Variants in TRPC4 observed in about 807,000 individuals in gnomAD.
TRPC4 encodes transient receptor potential cation channel subfamily C member 4, also known as short transient receptor potential channel 4.
Under a neutral mutation model 99.4 loss-of-function variants are expected in TRPC4, and 49 were observed. The ratio of observed to expected loss-of-function variants is 0.49; its 90% CI spans 0.39 to 0.63. The LOEUF (loss-of-function observed/expected upper bound fraction) is 0.63, where lower values mean the gene tolerates loss of function less well. Ranked by LOEUF, TRPC4 falls within the 20% of genes least tolerant of loss-of-function variation. The probability of loss-of-function intolerance (pLI) is 0.00; values close to 1 mark genes in which losing one functional copy is unlikely to be tolerated. For missense variants in TRPC4, 898 were observed against 1,152.9 expected (o/e 0.78, Z 3.20); for synonymous variants, 454 against 425.9 (o/e 1.07, Z -0.81).
intron 4 of TRPC4, among the ~76,000 whole-genome samples, chr13:37,684,785 A>C (rs562664628): frequency 9.1e-5 from 13 of 143,030 alleles, no homozygotes; most frequent in African/African-American, 3.2e-4. Flanking sequence ...GATTTTCCTG[A>C]GTACCCCTTA....
chr13:37,746,041 G>A lies in TRPC4; in HGVS notation c.793C>T (p.Leu265=), dbSNP rs1030783420. 1 of 1,613,800 alleles carries A rather than the reference G, an allele frequency of 6.2e-7. No homozygotes were observed. Among genetic ancestry groups the A allele is most frequent in the Non-Finnish European group, 8.5e-7 (1 of 1,179,824 alleles). The change falls in exon 3 of 11, where the codon CTG becomes TTG. Residue 265 remains leucine (L), a synonymous_variant. Coordinates refer to ENST00000379705, the MANE Select transcript of TRPC4 (RefSeq NM_016179.4). Reference sequence around the variant, plus strand: ...TCTCGGTAATTAAGAATGATTTCCAGTTCTCTGGAACTTCTCGTCTGATCC... The same window carrying A: ...TCTCGGTAATTAAGAATGATTTCCAATTCTCTGGAACTTCTCGTCTGATCC... The part of the protein sequence containing the change: ...LLDQTRSSRE[L]EIILNYRDDN...
intron 1 of TRPC4, among the ~76,000 whole-genome samples, chr13:37,806,033 T>C (rs1481485344): frequency 6.6e-6 from 1 of 151,834 alleles, no homozygotes; most frequent in Admixed American, 6.6e-5. Flanking sequence ...GAAAGAGGAG[T>C]AAGTTCATAG....
Position 37,750,650 on chromosome 13 carries a change from A to T in TRPC4, c.379-4195T>A, listed in dbSNP as rs939685937. Among the ~76,000 whole-genome samples, 140 of 152,190 alleles carry T rather than the reference A, an allele frequency of 9.2e-4. 1 individual carries two copies. Among genetic ancestry groups the T allele is most frequent in the African/African-American group, 2.9e-3 (120 of 41,542 alleles). ...TAATGTTTTTACTTTGGCAATTTTT[A>T]AAAAAATTATTATTGTACTTTAAGT... On this transcript the variant is annotated intron_variant, in intron 2 of 10. Coordinates refer to ENST00000379705, the MANE Select transcript of TRPC4 (RefSeq NM_016179.4).
chr13:37,843,411 T>TAA (rs776738144), intron 1 of TRPC4, among the ~76,000 whole-genome samples: 1 of 152,180 alleles, frequency 6.6e-6, no homozygotes, highest in South Asian at 2.1e-4. Context: ...ACAGAATCAT[T>TAA]AAAAGTCAGT....
intron 2 of TRPC4, among the ~76,000 whole-genome samples, chr13:37,762,930 A>G (rs144612779): frequency 0.1 from 15,145 of 151,570 alleles, 1,114 homozygotes; most frequent in African/African-American, 0.21. Context: ...GTTATAAAGG[A>G]TTTGTAAAGA....
intron 3 of TRPC4, among the ~76,000 whole-genome samples, chr13:37,710,147 T>C (rs529039797): frequency 8.9e-4 from 135 of 152,116 alleles, no homozygotes; most frequent in African/African-American, 3.2e-3. Flanking sequence ...TCATGAAATA[T>C]AGAAAAAGAA....
chr13:37,685,897 C>T (rs932879230), intron 4 of TRPC4, among the ~76,000 whole-genome samples: 2 of 150,148 alleles, frequency 1.3e-5, no homozygotes, highest in African/African-American at 4.9e-5. Context: ...CTTTATAATT[C>T]CATGAAGATG....
intron 2 of TRPC4, among the ~76,000 whole-genome samples, chr13:37,757,555 A>T (rs887929416): frequency 2.1e-4 from 32 of 152,144 alleles, no homozygotes; most frequent in African/African-American, 6.0e-4. Flanking sequence ...TGAAATTTTT[A>T]AAAAATTACA....
At chr13:37,827,599 G>A (rs1265827325) in intron 1 of TRPC4, among the ~76,000 whole-genome samples, 1 of 152,160 alleles carries the variant, frequency 6.6e-6, no homozygotes, top group Non-Finnish European at 1.5e-5. Context: ...TCAGGGGTCA[G>A]GGACCCACTT....
chr13:37,719,904 T>TATGTTTTAATGTTAAAACATTAG (rs1954810736), intron 3 of TRPC4, among the ~76,000 whole-genome samples: 1 of 146,954 alleles, frequency 6.8e-6, no homozygotes, highest in African/African-American at 2.7e-5. Flanking sequence ...TAAAACATTA[T>TATGTTTTAATGTTAAAACATTAG]TCTGTTTTAG....
At chr13:37,795,879 G>A (rs755551147) in intron 1 of TRPC4, among the ~76,000 whole-genome samples, 11 of 152,136 alleles carry the variant, frequency 7.2e-5, no homozygotes, top group Non-Finnish European at 1.5e-4. Context: ...CACAGGAGAA[G>A]GCAATACATT....
At chr13:37,677,037 A>G (rs901678860) in intron 4 of TRPC4, among the ~76,000 whole-genome samples, 4 of 152,002 alleles carry the variant, frequency 2.6e-5, no homozygotes, top group Admixed American at 1.3e-4. Flanking sequence ...GTAATTGTCA[A>G]CATAGGTAAA....
chr13:37,661,181 C>T (rs1924289), intron 6 of TRPC4, among the ~76,000 whole-genome samples: 56,734 of 151,992 alleles, frequency 0.37, 11,046 homozygotes, highest in African/African-American at 0.44. Context: ...TAGAGACAAA[C>T]GAAAGTAATA....
chr13:37,643,802 C>A (rs919757790), intron 8 of TRPC4, among the ~76,000 whole-genome samples: 16 of 152,118 alleles, frequency 1.1e-4, no homozygotes, highest in African/African-American at 3.6e-4. Flanking sequence ...CATTGATAGT[C>A]ATTTAGCAGT....
rs747830568 is a variant in TRPC4, at chr13:37,692,087, AAGC to A, written c.1143_1145del (p.Leu382del). The A allele has an allele frequency of 1.9e-5, 30 of 1,614,058 alleles. No individual in the cohort carries two copies. The highest frequency in any genetic ancestry group is 2.5e-5 in the Non-Finnish European group (30 of 1,180,042). The stretch of plus-strand genomic sequence containing the variant: ...CTGACCTGTCGATGTGCTGAGAGGC[AAGC>A]AGCAGCAGGAACAAAAAAGTCAAAT... On this transcript the variant is annotated inframe_deletion, in exon 4 of 11. Transcript: ENST00000379705.
intron 8 of TRPC4, among the ~76,000 whole-genome samples, chr13:37,642,171 T>C (rs1362315613): frequency 6.6e-6 from 1 of 152,086 alleles, no homozygotes; most frequent in African/African-American, 2.4e-5. Flanking sequence ...ATACTTCTGG[T>C]AAATTTGGAT....
intron 1 of TRPC4, among the ~76,000 whole-genome samples, chr13:37,836,117 T>C (rs1196025455): frequency 6.6e-6 from 1 of 152,182 alleles, no homozygotes; most frequent in Non-Finnish European, 1.5e-5. Flanking sequence ...CTGCCATCCA[T>C]GTAAGATGTG....
chr13:37,864,083 A>G (rs1959575819), intron 1 of TRPC4, among the ~76,000 whole-genome samples: 1 of 151,710 alleles, frequency 6.6e-6, no homozygotes, highest in Admixed American at 6.6e-5. Flanking sequence ...AAGTAGAATG[A>G]AAATAATTTA....
chr13:37,858,884 T>G (rs9548083), intron 1 of TRPC4, among the ~76,000 whole-genome samples: 27,766 of 151,236 alleles, frequency 0.18, 2,673 homozygotes, highest in Middle Eastern at 0.23. Flanking sequence ...CAACTGTGAC[T>G]AAAGTCAAAC....
Sources: gnomAD v4.1 joint callset for allele counts (sites outside exome capture counted in the v4.1 genomes callset) on GRCh38, gnomAD v4.1.1 for gene constraint, MANE v1.5 for transcripts, NCBI Gene and HGNC (gene_info 2026-07-23, HGNC 2026-07-21) for gene names.